LGR6: variants seen among roughly 807,000 people sequenced by gnomAD.
The protein encoded by LGR6 is leucine rich repeat containing G protein-coupled receptor 6, also known as leucine-rich repeat-containing G protein-coupled receptor 6.
In LGR6, 45 loss-of-function variants were observed where a neutral mutation model predicts 69.4. That is an observed-to-expected ratio of 0.65 (90% CI 0.51 to 0.83). The LOEUF is 0.83. Ranked by LOEUF, LGR6 falls within the 40% of genes least tolerant of loss-of-function variation. The pLI, the probability that LGR6 is intolerant of heterozygous loss-of-function variation, is 0.00. For missense variants in LGR6, 1,108 were observed against 1,246.7 expected (o/e 0.89, Z 1.68); for synonymous variants, 538 against 555.0 (o/e 0.97, Z 0.43).
In LGR6 at chr1:202,300,900, G is replaced by A. The variant is rs1274156628; in HGVS notation, c.837G>A (p.Gly279=). The A allele has an allele frequency of 6.2e-7, 1 of 1,612,438 alleles. No homozygotes were observed. Among genetic ancestry groups the A allele is most frequent in the Non-Finnish European group, 8.5e-7 (1 of 1,179,352 alleles). The stretch of plus-strand genomic sequence containing the variant: ...CCATCCCAGAAAAGGCCTTCATGGG[G>A]AACCCTCTGCTACAGACGATGTGAG... The part of the protein sequence containing the change: ...IKAIPEKAFM[G]NPLLQTIHFY... The change falls in exon 8 of 18, where the codon GGG becomes GGA. Residue 279 remains glycine, a synonymous_variant. Coordinates refer to ENST00000367278, the MANE Select transcript of LGR6 (RefSeq NM_001017403.2).
chr1:202,255,501 G>A (rs182367819), intron 4 of LGR6, among the ~76,000 whole-genome samples: 80 of 152,216 alleles, frequency 5.3e-4, no homozygotes, highest in African/African-American at 1.7e-3. Context: ...GCCCTTCCCC[G>A]CTCAGGCTGC....
chr1:202,231,274 C>T (rs938796781), intron 3 of LGR6, among the ~76,000 whole-genome samples: 43 of 152,368 alleles, frequency 2.8e-4, no homozygotes, highest in African/African-American at 9.9e-4. Flanking sequence ...CCATGCCTGG[C>T]TGAGCCTGGG....
At chr1:202,284,534 G>A (rs1396554456) in intron 6 of LGR6, among the ~76,000 whole-genome samples, 2 of 152,212 alleles carry the variant, frequency 1.3e-5, no homozygotes, top group African/African-American at 4.8e-5. Context: ...GTCAAGGTCA[G>A]ATCAATCATA....
At position 202,301,150 on chromosome 1, in the gene LGR6, CCTT is replaced by C. The variant is rs1667559590; in HGVS notation, c.858-6_858-4del. ...TGAAAAACCCAATTAGGTGTTTGGA[CCTT>C]CTTCTTCCAGACACTTTTATGATAA... On this transcript the variant is annotated splice_polypyrimidine_tract_variant and intron_variant, in intron 8 of 17. Transcript: ENST00000367278. 13 of 1,613,554 alleles carry C rather than the reference CCTT, an allele frequency of 8.1e-6. No individual in the cohort carries two copies. Among genetic ancestry groups the C allele is most frequent in the East Asian group, 2.2e-5 (1 of 44,884 alleles).
At chr1:202,282,697 C>A (rs968636529) in intron 6 of LGR6, among the ~76,000 whole-genome samples, 1 of 152,140 alleles carries the variant, frequency 6.6e-6, no homozygotes, top group Non-Finnish European at 1.5e-5. Context: ...TATGTGTTGG[C>A]GCCTCTAAAA....
At chr1:202,280,671 A>C in intron 5 of LGR6, 110 bp from the exon 6 acceptor site, 1 of 957,562 alleles carries the variant, frequency 1.0e-6, no homozygotes, top group Admixed American at 1.7e-5. Flanking sequence ...CATTAGGGTC[A>C]TTCTGTCCAT....
At chr1:202,257,085 A>G (rs866509592) in intron 4 of LGR6, among the ~76,000 whole-genome samples, 8 of 152,192 alleles carry the variant, frequency 5.3e-5, no homozygotes, top group Non-Finnish European at 1.2e-4. Context: ...AGTTGTCACA[A>G]TTCTTTATAT....
intron 1 of LGR6, among the ~76,000 whole-genome samples, chr1:202,210,193 C>A (rs1659408099): frequency 1.3e-5 from 2 of 152,134 alleles, no homozygotes; most frequent in African/African-American, 2.4e-5. Context: ...GCCTGCCCTG[C>A]CGCAAGGCTC....
chr1:202,206,086 C>T (rs1659220721), intron 1 of LGR6, among the ~76,000 whole-genome samples: 1 of 152,256 alleles, frequency 6.6e-6, no homozygotes, highest in South Asian at 2.1e-4. Context: ...CTCTCAGCTC[C>T]AGATCTGGGG....
intron 4 of LGR6, among the ~76,000 whole-genome samples, chr1:202,269,496 T>A (rs569247230): frequency 2.0e-4 from 31 of 152,348 alleles, no homozygotes; most frequent in African/African-American, 7.0e-4. Context: ...CTTCAGGTAC[T>A]AGGACTGGCT....
chr1:202,262,404 T>A (rs2924102), intron 4 of LGR6, among the ~76,000 whole-genome samples: 70,486 of 150,920 alleles, frequency 0.47, 17,226 homozygotes, highest in East Asian at 0.69. Context: ...GTTGTAGATA[T>A]GTGGCATTAT....
Position 202,307,389 on chromosome 1 carries a change from C to T in LGR6, c.1268C>T (p.Ser423Phe). The change falls in exon 14 of 18, where the codon TCC becomes TTC. Residue 423 changes from serine to phenylalanine, a missense_variant. Ser to Phe is a radical substitution (Grantham distance 155). Coordinates refer to ENST00000367278, the MANE Select transcript of LGR6 (RefSeq NM_001017403.2). ...IHPEAFSTLH[S>F]LVKLDLTDNQ... ...CCCGAGGCCTTCTCCACCCTGCACT[C>T]CCTGGTCAAGCTGTAAGTGCCTGCT... The T allele has an allele frequency of 6.2e-7, 1 of 1,614,072 alleles. No homozygotes were observed. The highest frequency in any genetic ancestry group is 8.5e-7 in the Non-Finnish European group (1 of 1,179,916).
chr1:202,193,947 T>G lies in LGR6; in HGVS notation c.-43T>G. The G allele has an allele frequency of 1.6e-6, 2 of 1,233,840 alleles. No homozygotes were observed. The highest frequency in any genetic ancestry group is 2.1e-6 in the Non-Finnish European group (2 of 972,640). 76.4% of individuals were successfully genotyped at this position (1,233,840 alleles called of 1,614,324 possible). On this transcript the variant is annotated 5_prime_UTR_variant, in exon 1 of 18. Coordinates refer to ENST00000367278, the MANE Select transcript of LGR6 (RefSeq NM_001017403.2). ...GCAGCTGCGGCCATCGCGCCGTGCG[T>G]CCGCGCCCGGCCGCCAGGTGCCCCA...
At chr1:202,237,028 G>A (rs912896661) in intron 4 of LGR6, among the ~76,000 whole-genome samples, 6 of 152,118 alleles carry the variant, frequency 3.9e-5, no homozygotes, top group African/African-American at 1.2e-4. Flanking sequence ...GCTAGCAGCT[G>A]TGCCACACCC....
At chr1:202,214,715 T>G (rs1169569386) in intron 1 of LGR6, among the ~76,000 whole-genome samples, 1 of 152,166 alleles carries the variant, frequency 6.6e-6, no homozygotes, top group Non-Finnish European at 1.5e-5. Flanking sequence ...AAACCAAGGA[T>G]GTTCAAGAGC....
rs1023605716 is a variant in LGR6, at chr1:202,318,582, G to T, written c.2279G>T (p.Arg760Leu). 6.2e-7 allele frequency: 1 copy of T among 1,613,954 alleles called. No homozygotes were observed. The highest frequency in any genetic ancestry group is 1.3e-5 in the African/African-American group (1 of 74,936). The part of the protein sequence containing the change: ...AYIKLYCDLP[R>L]GDFEAVWDCA... Reference sequence around the variant, plus strand: ...ATCAAACTGTACTGTGACCTGCCGCGGGGCGACTTTGAGGCCGTGTGGGAC... The same window carrying T: ...ATCAAACTGTACTGTGACCTGCCGCTGGGCGACTTTGAGGCCGTGTGGGAC... Residue 760 changes from arginine (R) to leucine (L), a missense_variant, in exon 18 of 18, where the codon CGG becomes CTG. Physicochemically the swap from Arg to Leu is moderately radical, Grantham distance 102 (BLOSUM62 -2). Transcript: ENST00000367278.
At chr1:202,294,862 A>C (rs1354536809) in intron 6 of LGR6, among the ~76,000 whole-genome samples, 1 of 152,302 alleles carries the variant, frequency 6.6e-6, no homozygotes, top group Middle Eastern at 3.4e-3. Flanking sequence ...TATTTTAGAT[A>C]GAGTAGTCAG....
intron 4 of LGR6, among the ~76,000 whole-genome samples, chr1:202,241,230 C>G (rs1662178018): frequency 6.6e-6 from 1 of 152,208 alleles, no homozygotes; most frequent in Non-Finnish European, 1.5e-5. Context: ...TGCCCATGCC[C>G]CTCCTGGGGT....
intron 4 of LGR6, among the ~76,000 whole-genome samples, chr1:202,270,468 C>T (rs1272130289): frequency 6.6e-6 from 1 of 152,056 alleles, no homozygotes; most frequent in African/African-American, 2.4e-5. Flanking sequence ...TCTTGAACTC[C>T]CGAACTCAGG....
Sources: allele counts gnomAD v4.1 joint callset (sites outside exome capture counted in the v4.1 genomes callset), GRCh38; gene constraint gnomAD v4.1.1; transcripts MANE v1.5; gene names NCBI Gene and HGNC (gene_info 2026-07-23, HGNC 2026-07-21).